The following RIMS2 variants were observed in gnomAD, a reference collection of about 807,000 sequenced individuals.
RIMS2 encodes the protein regulating synaptic membrane exocytosis protein 2.
A neutral mutation model predicts 174.4 loss-of-function variants in RIMS2; 59 were observed. That is an observed-to-expected ratio of 0.34 (90% CI 0.27 to 0.42). The LOEUF (loss-of-function observed/expected upper bound fraction) is 0.42, where lower values mean the gene tolerates loss of function less well. Ranked by LOEUF, RIMS2 falls within the 10% of genes least tolerant of loss-of-function variation. The pLI is 1.00. For synonymous variants in RIMS2, 606 were observed against 572.5 expected (o/e 1.06, Z -0.84); for missense variants, 1,620 against 1,666.3 (o/e 0.97, Z 0.48).
chr8:104,179,581 T>C lies in RIMS2; in HGVS notation c.3335-65335T>C, dbSNP rs146980348. 8.4e-3 allele frequency among the ~76,000 whole-genome samples: 1,272 copies of C among 152,048 alleles called. 16 individuals are homozygous for C. Among genetic ancestry groups the C allele is most frequent in the African/African-American group, 0.03 (1,230 of 41,538 alleles). On this transcript the variant is annotated intron_variant, in intron 19 of 23. Coordinates refer to ENST00000504942, the Ensembl canonical transcript of RIMS2. ...TTTCTTCTCTGAAATTTACATAATATCTATTTTGTGCTTAGTAAACTTAGC... is the reference window on the plus strand; with the variant it reads ...TTTCTTCTCTGAAATTTACATAATACCTATTTTGTGCTTAGTAAACTTAGC...
At chr8:103,563,774 G>T (rs1197920698) in intron 1 of RIMS2, among the ~76,000 whole-genome samples, 1 of 152,138 alleles carries the variant, frequency 6.6e-6, no homozygotes, top group African/African-American at 2.4e-5. Flanking sequence ...GAGGTTTAAT[G>T]GACTTACAGT....
chr8:103,697,671 T>C (rs1590603621), intron 2 of RIMS2, among the ~76,000 whole-genome samples: 1 of 151,828 alleles, frequency 6.6e-6, no homozygotes, highest in African/African-American at 2.4e-5. Flanking sequence ...AAGGCTGTGG[T>C]GAGCCATGAT....
intron 8 of RIMS2, 96 bp downstream of exon 11, chr8:103,916,633 ATGAAT>A: frequency 9.9e-7 from 1 of 1,006,534 alleles, no homozygotes; most frequent in Non-Finnish European, 1.4e-6. Context: ...CTTTATGGAA[ATGAAT>A]TATTTTGTAG....
At chr8:104,177,132 GT>G (rs1327642688) in intron 19 of RIMS2, among the ~76,000 whole-genome samples, 1 of 152,088 alleles carries the variant, frequency 6.6e-6, no homozygotes, top group African/African-American at 2.4e-5. Context: ...GGTAACCACA[GT>G]TCTTAAAACT....
At chr8:104,056,543 C>T (rs1412310539) in intron 19 of RIMS2, among the ~76,000 whole-genome samples, 1 of 152,078 alleles carries the variant, frequency 6.6e-6, no homozygotes, top group Non-Finnish European at 1.5e-5. Context: ...AGGACTAAAA[C>T]CCAAGTCTTA....
intron 19 of RIMS2, among the ~76,000 whole-genome samples, chr8:104,016,851 A>T (rs11779683): frequency 0.13 from 19,443 of 152,038 alleles, 1,693 homozygotes; most frequent in Non-Finnish European, 0.19. Context: ...AAATTCAGAG[A>T]TGGTGAAGTT....
intron 16 of RIMS2, among the ~76,000 whole-genome samples, chr8:103,984,131 G>A (rs1596377127): frequency 6.6e-6 from 1 of 151,886 alleles, no homozygotes; most frequent in South Asian, 2.1e-4. Flanking sequence ...CCGAGATCGC[G>A]CCACTGCACT....
At chr8:103,896,325 G>A (rs763425237) in intron 4 of RIMS2, among the ~76,000 whole-genome samples, 15 of 151,562 alleles carry the variant, frequency 9.9e-5, no homozygotes, top group Non-Finnish European at 2.2e-4. Flanking sequence ...CCATCCTCAC[G>A]CTGATAGATT....
chr8:104,026,808 G>A (rs1019911040), intron 19 of RIMS2, among the ~76,000 whole-genome samples: 2 of 152,116 alleles, frequency 1.3e-5, no homozygotes, highest in African/African-American at 4.8e-5. Context: ...AAGGAGCTTG[G>A]CTTTGTTTTG....
At chr8:104,000,732 AT>A in intron 17 of RIMS2, among the ~76,000 whole-genome samples, 1 of 151,554 alleles carries the variant, frequency 6.6e-6, no homozygotes, top group Admixed American at 6.6e-5. Flanking sequence ...TATTTTCAGA[AT>A]TTTTTTATAA....
chr8:103,589,580 A>G (rs754386884), intron 1 of RIMS2, among the ~76,000 whole-genome samples: 23 of 151,666 alleles, frequency 1.5e-4, no homozygotes, highest in Non-Finnish European at 3.3e-4. Context: ...ACTGCTGGGT[A>G]TATAGCCAAA....
At chr8:103,722,000 G>A (rs1274094516) in intron 2 of RIMS2, among the ~76,000 whole-genome samples, 1 of 152,128 alleles carries the variant, frequency 6.6e-6, no homozygotes, top group Non-Finnish European at 1.5e-5. Context: ...GGTAGGGAAG[G>A]CAATGATTTT....
intron 19 of RIMS2, among the ~76,000 whole-genome samples, chr8:104,099,351 G>C (rs1446163887): frequency 3.3e-5 from 5 of 152,084 alleles, no homozygotes; most frequent in South Asian, 2.1e-4. Context: ...ATTACCTGTG[G>C]CTTGTATTTT....
intron 1 of RIMS2, among the ~76,000 whole-genome samples, chr8:103,555,842 G>A (rs1270327473): frequency 6.6e-6 from 1 of 151,660 alleles, no homozygotes; most frequent in Non-Finnish European, 1.5e-5. Context: ...ATGCACAGTG[G>A]AATACTATTT....
chr8:103,586,049 C>T (rs1029057064), intron 1 of RIMS2, among the ~76,000 whole-genome samples: 1 of 151,716 alleles, frequency 6.6e-6, no homozygotes, highest in East Asian at 1.9e-4. Flanking sequence ...GTGGATATAA[C>T]AATTGTAAAT....
chr8:103,940,695 G>A (rs975060729), intron 13 of RIMS2, among the ~76,000 whole-genome samples: 1 of 151,966 alleles, frequency 6.6e-6, no homozygotes, highest in African/African-American at 2.4e-5. Flanking sequence ...GACCAGTGTG[G>A]CAAAAACCTG....
At chr8:103,770,173 A>G (rs780845033) in intron 3 of RIMS2, among the ~76,000 whole-genome samples, 5 of 152,208 alleles carry the variant, frequency 3.3e-5, no homozygotes, top group Admixed American at 6.5e-5. Flanking sequence ...TTTTGTAAAC[A>G]AAGTTCTTTT....
chr8:103,800,531 T>G (rs2098599601), intron 3 of RIMS2, among the ~76,000 whole-genome samples: 1 of 152,220 alleles, frequency 6.6e-6, no homozygotes, highest in African/African-American at 2.4e-5. Flanking sequence ...TGAGAATTCT[T>G]TCATGAATGG....
chr8:103,897,666 G>A (rs2099295072), intron 4 of RIMS2, among the ~76,000 whole-genome samples: 1 of 151,574 alleles, frequency 6.6e-6, no homozygotes, highest in Non-Finnish European at 1.5e-5. Flanking sequence ...TTTATGACTA[G>A]ATCTTTGCCC....
Sources: gnomAD v4.1 joint callset for allele counts (sites outside exome capture counted in the v4.1 genomes callset) on GRCh38, gnomAD v4.1.1 for gene constraint, MANE v1.5 for transcripts, NCBI Gene and HGNC (gene_info 2026-07-23, HGNC 2026-07-21) for gene names.